EFCAB5: variants seen among roughly 807,000 people sequenced by gnomAD.
EFCAB5 encodes EF-hand calcium binding domain 5.
A neutral mutation model predicts 167.9 loss-of-function variants in EFCAB5; 131 were observed. The ratio of observed to expected loss-of-function variants is 0.78; its 90% CI spans 0.68 to 0.90. The LOEUF is 0.90. EFCAB5 is among the 40% of genes least tolerant of loss of function. The pLI, the probability that EFCAB5 is intolerant of heterozygous loss-of-function variation, is 0.00. For synonymous variants in EFCAB5, 574 were observed against 602.8 expected (o/e 0.95, Z 0.70); for missense variants, 1,663 against 1,745.2 (o/e 0.95, Z 0.84).
At chr17:29,947,683 A>G (rs966614470) in intron 3 of EFCAB5, among the ~76,000 whole-genome samples, 1 of 152,066 alleles carries the variant, frequency 6.6e-6, no homozygotes, top group East Asian at 1.9e-4. Flanking sequence ...GCAAGTCTTT[A>G]CTTATCCTCT....
intron 3 of EFCAB5, among the ~76,000 whole-genome samples, chr17:29,954,724 AC>A (rs1463853724): frequency 1.3e-5 from 2 of 152,096 alleles, no homozygotes; most frequent in Non-Finnish European, 2.9e-5. Flanking sequence ...CATCTTCCAA[AC>A]CCCAGAATGA....
At position 30,080,951 on chromosome 17, in the gene EFCAB5, C is replaced by G; in HGVS notation, c.3396C>G (p.Ile1132Met). ...TTAGAGATCCCCACGAAATAAACATCTTTCTACCTCATGAGATCAGATTCT... is the reference window on the plus strand; with the variant it reads ...TTAGAGATCCCCACGAAATAAACATGTTTCTACCTCATGAGATCAGATTCT... The part of the protein sequence containing the change: ...DTLRDPHEIN[I>M]FLPHEIRFYQ... Residue 1132 changes from isoleucine to methionine, a missense_variant, in exon 17 of 23, where the codon ATC becomes ATG. Ile to Met is a conservative substitution (Grantham distance 10, BLOSUM62 1). Coordinates refer to ENST00000394835, the MANE Select transcript of EFCAB5 (RefSeq NM_198529.4). 1.9e-6 allele frequency: 3 copies of G among 1,613,136 alleles called. No homozygotes were observed. In the South Asian group the frequency reaches 3.3e-5, roughly 18 times the overall value.
upstream of EFCAB5, among the ~76,000 whole-genome samples, chr17:29,937,331 C>T (rs1398762328): frequency 1.3e-5 from 2 of 152,098 alleles, no homozygotes; most frequent in Non-Finnish European, 2.9e-5. Flanking sequence ...GGATTACAGG[C>T]ATGTGCCACC....
At chr17:30,008,024 A>G (rs532930199) in intron 7 of EFCAB5, among the ~76,000 whole-genome samples, 12 of 150,824 alleles carry the variant, frequency 8.0e-5, no homozygotes, top group African/African-American at 3.0e-4. Context: ...ATAAAGCAGT[A>G]TGTTTTCCTC....
Position 30,008,175 on chromosome 17 carries a change from A to G in EFCAB5, c.1044+8199A>G, listed in dbSNP as rs147273927. On this transcript the variant is annotated intron_variant, in intron 7 of 22. Coordinates refer to ENST00000394835, the MANE Select transcript of EFCAB5 (RefSeq NM_198529.4). ...AAAAGGATGAAAAAAGATGAAAATA[A>G]GAAAATTGTTAAAGGAATAGCAGAT... is the stretch of plus-strand genomic sequence containing the variant. Among the ~76,000 whole-genome samples, 93 of 152,364 alleles carry G rather than the reference A, an allele frequency of 6.1e-4. No homozygotes were observed. In the East Asian group the frequency reaches 0.015, roughly 25 times the overall value.
intron 12 of EFCAB5, 62 bp downstream of exon 12, chr17:30,056,218 T>C: frequency 7.0e-7 from 1 of 1,425,906 alleles, no homozygotes; most frequent in Non-Finnish European, 9.6e-7. Context: ...TAATTTACTG[T>C]GGTACTCGAT....
intron 7 of EFCAB5, among the ~76,000 whole-genome samples, chr17:30,023,016 G>A (rs1435043366): frequency 6.6e-6 from 1 of 151,784 alleles, no homozygotes; most frequent in Non-Finnish European, 1.5e-5. Flanking sequence ...GAATCTCTGG[G>A]ACACATTCAA....
intron 7 of EFCAB5, among the ~76,000 whole-genome samples, chr17:30,006,720 G>A (rs1433837985): frequency 1.3e-5 from 2 of 152,170 alleles, no homozygotes; most frequent in African/African-American, 2.4e-5. Context: ...CACAATTTCG[G>A]CTCACTGCAG....
Position 30,035,008 on chromosome 17 carries a change from T to C in EFCAB5, c.1200+623T>C, listed in dbSNP as rs189347663. ...AAACAATGACTTTTTTAGGGCAGTT[T>C]CTTATAGTTACTTCAAATGTAGGCA... is the stretch of plus-strand genomic sequence containing the variant. On this transcript the variant is annotated intron_variant, in intron 8 of 22. Coordinates refer to ENST00000394835, the MANE Select transcript of EFCAB5 (RefSeq NM_198529.4). Among the ~76,000 whole-genome samples, 184 of 152,338 alleles carry C rather than the reference T, an allele frequency of 1.2e-3. 1 individual carries two copies. The highest frequency in any genetic ancestry group is 2.0e-3 in the Non-Finnish European group (138 of 68,026).
intron 18 of EFCAB5, among the ~76,000 whole-genome samples, chr17:30,083,579 C>T (rs940013746): frequency 1.3e-5 from 2 of 152,204 alleles, no homozygotes; most frequent in African/African-American, 2.4e-5. Flanking sequence ...CTCAGCCTCC[C>T]GAGTAGCTGG....
chr17:30,085,530 C>A (rs2071070340), intron 18 of EFCAB5, among the ~76,000 whole-genome samples: 1 of 152,082 alleles, frequency 6.6e-6, no homozygotes. Flanking sequence ...ACCATCCTGG[C>A]TAACATGGTG....
chr17:30,066,270 A>G (rs983986891), intron 14 of EFCAB5, among the ~76,000 whole-genome samples: 6 of 152,222 alleles, frequency 3.9e-5, no homozygotes, highest in Admixed American at 1.3e-4. Context: ...TCTGACCTCA[A>G]TGAAATAAAA....
At chr17:29,946,891 T>C (rs958493964) in intron 3 of EFCAB5, among the ~76,000 whole-genome samples, 2 of 152,142 alleles carry the variant, frequency 1.3e-5, no homozygotes, top group Non-Finnish European at 2.9e-5. Context: ...CTTGCAAAGA[T>C]ATGGAACCAA....
intron 4 of EFCAB5, among the ~76,000 whole-genome samples, chr17:29,983,807 C>G (rs1394694836): frequency 2.0e-5 from 3 of 152,042 alleles, no homozygotes; most frequent in Admixed American, 1.3e-4. Flanking sequence ...TACAGTGGCC[C>G]AGAAGCACAA....
At chr17:29,978,399 TA>T (rs1304723250) in intron 4 of EFCAB5, among the ~76,000 whole-genome samples, 1 of 152,240 alleles carries the variant, frequency 6.6e-6, no homozygotes, top group East Asian at 1.9e-4. Context: ...ACCTGAAGCA[TA>T]ATGATAATTT....
intron 3 of EFCAB5, 61 bp downstream of exon 3, chr17:29,943,710 A>C (rs2151517402): frequency 6.8e-4 from 984 of 1,441,196 alleles, no homozygotes; most frequent in Non-Finnish European, 8.5e-4. Context: ...GTGGTGGCTC[A>C]TGCCTGTAAT....
At chr17:29,972,689 G>T in intron 4 of EFCAB5, 1 of 194,826 alleles carries the variant, frequency 5.1e-6, no homozygotes, top group Non-Finnish European at 1.1e-5. Context: ...GCGCTTTGGA[G>T]GCAGGGCTTC....
chr17:29,987,086 T>C (rs1440356477), intron 4 of EFCAB5, among the ~76,000 whole-genome samples: 1 of 152,182 alleles, frequency 6.6e-6, no homozygotes, highest in Non-Finnish European at 1.5e-5. Context: ...TCAGCCCTTG[T>C]TGAAGGAATA....
intron 4 of EFCAB5, among the ~76,000 whole-genome samples, chr17:29,970,930 C>A (rs562410842): frequency 7.0e-4 from 107 of 152,072 alleles, no homozygotes; most frequent in Non-Finnish European, 1.4e-3. Context: ...CAAAAATTAG[C>A]CCAGCGTGGT....
Sources: allele counts gnomAD v4.1 joint callset (sites outside exome capture counted in the v4.1 genomes callset), GRCh38; gene constraint gnomAD v4.1.1; transcripts MANE v1.5; gene names NCBI Gene and HGNC (gene_info 2026-07-23, HGNC 2026-07-21).